PDZRN4: variants seen among roughly 807,000 people sequenced by gnomAD.
The protein encoded by PDZRN4 is PDZ domain-containing RING finger protein 4.
PDZRN4 carries 70 observed loss-of-function variants against 99.0 expected under a neutral mutation model. The ratio of observed to expected loss-of-function variants is 0.71; its 90% CI spans 0.58 to 0.86. PDZRN4 has a LOEUF of 0.86. Among genes scored for constraint, PDZRN4 ranks in the 40% least tolerant of loss-of-function variants. The pLI is 0.00. For synonymous variants in PDZRN4, 551 were observed against 501.6 expected (o/e 1.10, Z -1.32); for missense variants, 1,474 against 1,331.2 (o/e 1.11, Z -1.67).
At position 41,572,491 on chromosome 12, in the gene PDZRN4, A is replaced by T; in HGVS notation, c.1712A>T (p.Glu571Val). The change falls in exon 10 of 10, where the codon GAG (glutamate) becomes GTG (valine). Residue 571 changes from glutamate (E) to valine (V), a missense_variant. Transcript: ENST00000402685. ...CGAAATGATGAGAGCTCAGAGCAGG[A>T]GAATGCAGCCGAGGACCCCAATAGC... Reference protein sequence around the residue: ...SLRNDESSEQENAAEDPNSTS... With the variant: ...SLRNDESSEQVNAAEDPNSTS... 1 of 1,614,146 alleles carries T rather than the reference A, an allele frequency of 6.2e-7. No individual in the cohort carries two copies. Among genetic ancestry groups the T allele is most frequent in the Non-Finnish European group, 8.5e-7 (1 of 1,180,012 alleles).
chr12:41,359,953 G>A (rs1951953258), intron 3 of PDZRN4, among the ~76,000 whole-genome samples: 1 of 151,896 alleles, frequency 6.6e-6, no homozygotes, highest in African/African-American at 2.4e-5. Flanking sequence ...AGTAATACTA[G>A]TTGAAGTTTT....
At chr12:41,568,979 A>G (rs1485017862) in intron 9 of PDZRN4, among the ~76,000 whole-genome samples, 2 of 150,102 alleles carry the variant, frequency 1.3e-5, no homozygotes, top group Non-Finnish European at 3.0e-5. Flanking sequence ...TAATTTTTGT[A>G]TTTTTAATAG....
chr12:41,194,648 A>G (rs891869210), intron 3 of PDZRN4, among the ~76,000 whole-genome samples: 2 of 152,180 alleles, frequency 1.3e-5, no homozygotes, highest in African/African-American at 4.8e-5. Context: ...CGCTGCCTCC[A>G]AAAAGAAGTA....
At chr12:41,261,501 A>G (rs562582994) in intron 3 of PDZRN4, among the ~76,000 whole-genome samples, 70 of 152,156 alleles carry the variant, frequency 4.6e-4, no homozygotes, top group African/African-American at 1.6e-3. Flanking sequence ...TTGTTTTCTT[A>G]TTTTTTGAGA....
Position 41,188,569 on chromosome 12 carries a change from C to A in PDZRN4, c.114C>A (p.Cys38Ter). Reference protein sequence around the residue: ...PLCTPCGHVFCASCLLPWAVR... With the variant: ...PLCTPCGHVF ...GCACGCCGTGCGGGCACGTCTTCTG[C>A]GCCAGCTGCCTGTTGCCCTGGGCGG... Residue 38 changes from cysteine (C) to a stop codon, truncating the protein, a stop_gained, in exon 1 of 10, where the codon TGC becomes TGA. Transcript: ENST00000402685. LOFTEE classifies it high-confidence loss of function. 3 of 1,548,248 alleles carry A rather than the reference C, an allele frequency of 1.9e-6. No individual in the cohort carries two copies. The highest frequency in any genetic ancestry group is 2.6e-6 in the Non-Finnish European group (3 of 1,154,070).
At chr12:41,322,919 T>C (rs1951689771) in intron 3 of PDZRN4, among the ~76,000 whole-genome samples, 1 of 152,084 alleles carries the variant, frequency 6.6e-6, no homozygotes, top group Admixed American at 6.5e-5. Flanking sequence ...CTCATACATC[T>C]TGAAAAAAAA....
chr12:41,510,310 T>C (rs1331888570), intron 5 of PDZRN4, among the ~76,000 whole-genome samples: 1 of 152,140 alleles, frequency 6.6e-6, no homozygotes, highest in African/African-American at 2.4e-5. Context: ...TTTTATTATA[T>C]TGTATTCTTT....
intron 1 of PDZRN4, among the ~76,000 whole-genome samples, chr12:41,190,345 C>A (rs1003073303): frequency 6.6e-6 from 1 of 152,080 alleles, no homozygotes; most frequent in Admixed American, 6.5e-5. Flanking sequence ...TATACATATA[C>A]GCATATATAC....
At chr12:41,342,290 G>A (rs1040000361) in intron 3 of PDZRN4, among the ~76,000 whole-genome samples, 8 of 151,714 alleles carry the variant, frequency 5.3e-5, no homozygotes, top group Admixed American at 4.6e-4. Context: ...AGTGGGCTGG[G>A]TAAGGATTTT....
At chr12:41,387,130 T>G (rs1395058895) in intron 3 of PDZRN4, among the ~76,000 whole-genome samples, 1 of 152,226 alleles carries the variant, frequency 6.6e-6, no homozygotes, top group East Asian at 1.9e-4. Context: ...AGGATCTAAT[T>G]AAACTAAAGA....
intron 3 of PDZRN4, among the ~76,000 whole-genome samples, chr12:41,254,194 C>T (rs1365622839): frequency 6.6e-6 from 1 of 152,010 alleles, no homozygotes; most frequent in East Asian, 1.9e-4. Flanking sequence ...AAAAAGTATA[C>T]ATCAGCATTT....
intron 3 of PDZRN4, among the ~76,000 whole-genome samples, chr12:41,369,399 T>C (rs2121075970): frequency 6.6e-6 from 1 of 152,234 alleles, no homozygotes; most frequent in African/African-American, 2.4e-5. Flanking sequence ...GGTTACCTTT[T>C]CCTCTTGTAC....
At chr12:41,296,204 G>A (rs1373169293) in intron 3 of PDZRN4, among the ~76,000 whole-genome samples, 1 of 152,074 alleles carries the variant, frequency 6.6e-6, no homozygotes, top group East Asian at 1.9e-4. Flanking sequence ...TTAAACAAGT[G>A]GGATCAAGAT....
intron 3 of PDZRN4, among the ~76,000 whole-genome samples, chr12:41,293,735 A>G (rs1221892286): frequency 6.6e-6 from 1 of 152,160 alleles, no homozygotes; most frequent in Non-Finnish European, 1.5e-5. Flanking sequence ...TTTTCAGTAA[A>G]ATGCAGTGTA....
intron 3 of PDZRN4, among the ~76,000 whole-genome samples, chr12:41,424,729 G>A (rs562442622): frequency 2.6e-5 from 4 of 152,138 alleles, no homozygotes; most frequent in Non-Finnish European, 5.9e-5. Flanking sequence ...TGCAAGTCAG[G>A]AAGCTCCTCT....
intron 3 of PDZRN4, among the ~76,000 whole-genome samples, chr12:41,495,508 T>A (rs1937982010): frequency 6.6e-6 from 1 of 152,030 alleles, no homozygotes; most frequent in Admixed American, 6.6e-5. Context: ...ACAGCTCTCT[T>A]CATCCTCCTC....
intron 3 of PDZRN4, among the ~76,000 whole-genome samples, chr12:41,424,888 C>T (rs1225644599): frequency 6.6e-6 from 1 of 152,118 alleles, no homozygotes; most frequent in African/African-American, 2.4e-5. Flanking sequence ...AATGCTCTTG[C>T]ACTTCTGCCC....
intron 3 of PDZRN4, among the ~76,000 whole-genome samples, chr12:41,460,712 TAGG>T (rs1163325521): frequency 6.6e-6 from 1 of 152,164 alleles, no homozygotes; most frequent in South Asian, 2.1e-4. Flanking sequence ...GATGTAAATA[TAGG>T]AGGAGGAGGA....
chr12:41,550,686 G>A (rs1939037287), intron 5 of PDZRN4, among the ~76,000 whole-genome samples: 1 of 152,114 alleles, frequency 6.6e-6, no homozygotes, highest in Non-Finnish European at 1.5e-5. Flanking sequence ...CAGAAAGTCA[G>A]CATTCTTCAT....
Sources: allele counts gnomAD v4.1 joint callset (sites outside exome capture counted in the v4.1 genomes callset), GRCh38; gene constraint gnomAD v4.1.1; transcripts MANE v1.5; gene names NCBI Gene and HGNC (gene_info 2026-07-23, HGNC 2026-07-21).